AGBL1: variants seen among roughly 807,000 people sequenced by gnomAD.
AGBL1 encodes the protein cytosolic carboxypeptidase 4.
A neutral mutation model predicts 118.9 loss-of-function variants in AGBL1; 130 were observed. That is an observed-to-expected ratio of 1.09 (90% CI 0.95 to 1.26). The LOEUF (loss-of-function observed/expected upper bound fraction) is 1.26, where lower values mean the gene tolerates loss of function less well. Ranked by LOEUF, AGBL1 falls within the 50% of genes most tolerant of loss-of-function variation. The pLI is 0.00. For synonymous variants in AGBL1, 555 were observed against 478.9 expected (o/e 1.16, Z -2.08); for missense variants, 1,584 against 1,298.1 (o/e 1.22, Z -3.38).
chr15:86,357,123 T>A (rs767510976), intron 17 of AGBL1, among the ~76,000 whole-genome samples: 1 of 152,182 alleles, frequency 6.6e-6, no homozygotes, highest in Non-Finnish European at 1.5e-5. Context: ...AACATGATTG[T>A]TATCTTCACC....
intron 21 of AGBL1, among the ~76,000 whole-genome samples, chr15:86,672,455 C>G (rs2085763072): frequency 6.6e-6 from 1 of 152,086 alleles, no homozygotes; most frequent in Non-Finnish European, 1.5e-5. Context: ...CTACAGAGCA[C>G]CTGTTATGTG....
intron 21 of AGBL1, among the ~76,000 whole-genome samples, chr15:86,577,805 G>A (rs1210638552): frequency 1.3e-5 from 2 of 149,674 alleles, no homozygotes; most frequent in Non-Finnish European, 3.0e-5. Context: ...TCCACGTGGT[G>A]TTGAGCCTGT....
intron 18 of AGBL1, among the ~76,000 whole-genome samples, chr15:86,498,046 T>C: frequency 6.6e-6 from 1 of 151,960 alleles, no homozygotes; most frequent in East Asian, 1.9e-4. Context: ...TTCAATCTTC[T>C]ACATTTAAAC....
chr15:86,177,404 G>T lies in AGBL1; in HGVS notation c.488+18378G>T, dbSNP rs1485372349. ...GATAGAATAAGTAGAGAGAAAATCA[G>T]TAAGAATATAGATGATTTAAATAAC... On this transcript the variant is annotated intron_variant, in intron 5 of 22. Transcript: ENST00000614907. Among the ~76,000 whole-genome samples, 4 of 152,270 alleles carry T rather than the reference G, an allele frequency of 2.6e-5. No individual in the cohort carries two copies. The East Asian group carries it at 7.7e-4, about 29-fold the overall frequency.
intron 19 of AGBL1, among the ~76,000 whole-genome samples, chr15:86,536,085 G>A (rs1339736772): frequency 6.6e-6 from 1 of 152,030 alleles, no homozygotes; most frequent in Non-Finnish European, 1.5e-5. Flanking sequence ...CTTTTATTTG[G>A]AATTGTTCCC....
chr15:86,538,672 A>G (rs922101922), intron 19 of AGBL1, among the ~76,000 whole-genome samples: 1 of 152,120 alleles, frequency 6.6e-6, no homozygotes, highest in Non-Finnish European at 1.5e-5. Flanking sequence ...CCTTGCCTTC[A>G]TTTTCCTGTG....
At chr15:86,120,509 T>G (rs755425803) in intron 1 of AGBL1, among the ~76,000 whole-genome samples, 1 of 152,174 alleles carries the variant, frequency 6.6e-6, no homozygotes, top group Non-Finnish European at 1.5e-5. Context: ...TGTGCCCTCT[T>G]AGACCTGGCC....
chr15:86,962,206 T>C (rs1283859377), intron 23 of AGBL1, among the ~76,000 whole-genome samples: 1 of 150,806 alleles, frequency 6.6e-6, no homozygotes, highest in African/African-American at 2.4e-5. Context: ...GACACAAAAG[T>C]GTTAAATGTA....
At chr15:86,625,886 A>G (rs2084879422) in intron 21 of AGBL1, among the ~76,000 whole-genome samples, 1 of 152,168 alleles carries the variant, frequency 6.6e-6, no homozygotes, top group Non-Finnish European at 1.5e-5. Flanking sequence ...AAGACAAGCA[A>G]AGTACTGCAG....
At chr15:86,244,490 CCATTCT>C (rs2078689714) in intron 6 of AGBL1, among the ~76,000 whole-genome samples, 1 of 151,960 alleles carries the variant, frequency 6.6e-6, no homozygotes, top group Non-Finnish European at 1.5e-5. Flanking sequence ...ACTTCCCAAG[CCATTCT>C]CAGAGAAAGA....
At chr15:86,868,556 G>A (rs2079671602) in intron 22 of AGBL1, among the ~76,000 whole-genome samples, 2 of 152,242 alleles carry the variant, frequency 1.3e-5, no homozygotes, top group South Asian at 4.1e-4. Flanking sequence ...TTCGAATCTA[G>A]TGGTTTAAAA....
In AGBL1 at chr15:86,537,630, A is replaced by G. The variant is rs573246653; in HGVS notation, c.2686-8372A>G. ...ATACGCGAATTGAGAGTTTTGTTAT[A>G]TTGTTCTTCATCACTCGTCCATCAA... On this transcript the variant is annotated intron_variant, in intron 19 of 22. Transcript: ENST00000614907. Among the ~76,000 whole-genome samples, 45 of 152,298 alleles carry G rather than the reference A, an allele frequency of 3.0e-4. 1 individual carries two copies. In the South Asian group the frequency reaches 8.3e-3, roughly 28 times the overall value.
chr15:86,381,468 G>A (rs956139797), intron 17 of AGBL1, among the ~76,000 whole-genome samples: 3 of 151,954 alleles, frequency 2.0e-5, no homozygotes, highest in African/African-American at 7.3e-5. Flanking sequence ...TTGGCTCCAG[G>A]AAGACTGGAA....
intron 22 of AGBL1, among the ~76,000 whole-genome samples, chr15:86,724,510 C>T (rs908054669): frequency 1.3e-5 from 2 of 151,678 alleles, no homozygotes; most frequent in Admixed American, 6.6e-5. Flanking sequence ...ATCTTTTGGC[C>T]CAAAAATCAC....
chr15:86,764,258 A>C (rs560154043), intron 22 of AGBL1, among the ~76,000 whole-genome samples: 1 of 152,162 alleles, frequency 6.6e-6, no homozygotes, highest in African/African-American at 2.4e-5. Flanking sequence ...AAGATAATAC[A>C]TGTAGCAGTA....
At chr15:86,323,514 C>A (rs571573545) in intron 17 of AGBL1, among the ~76,000 whole-genome samples, 1 of 152,242 alleles carries the variant, frequency 6.6e-6, no homozygotes, top group African/African-American at 2.4e-5. Flanking sequence ...GGTCCATCCA[C>A]TATCAGGAGA....
Position 86,306,309 on chromosome 15 carries a change from C to T in AGBL1, c.2374+10901C>T, listed in dbSNP as rs1426275713. ...ACCATCTCCACCTCCCCCTGTGACC[C>T]TCTACTACCTTCCAAGCCTCTGGTA... is the stretch of plus-strand genomic sequence containing the variant. On this transcript the variant is annotated intron_variant, in intron 17 of 22. Transcript: ENST00000614907. Among the ~76,000 whole-genome samples, 2 of 152,078 alleles carry T rather than the reference C, an allele frequency of 1.3e-5. 1 individual carries two copies. Among genetic ancestry groups the T allele is most frequent in the Non-Finnish European group, 2.9e-5 (2 of 67,990 alleles).
intron 5 of AGBL1, among the ~76,000 whole-genome samples, chr15:86,167,544 C>T (rs945508034): frequency 3.9e-5 from 6 of 152,364 alleles, no homozygotes; most frequent in African/African-American, 7.2e-5. Flanking sequence ...CCATGCCTGG[C>T]CCGGGAACTG....
chr15:86,893,160 C>A (rs910496239), intron 22 of AGBL1, among the ~76,000 whole-genome samples: 5 of 152,048 alleles, frequency 3.3e-5, no homozygotes, highest in Admixed American at 3.3e-4. Context: ...AGGAGACATT[C>A]GGTGGAGCTC....
Sources: gnomAD v4.1 joint callset for allele counts (sites outside exome capture counted in the v4.1 genomes callset) on GRCh38, gnomAD v4.1.1 for gene constraint, MANE v1.5 for transcripts, NCBI Gene and HGNC (gene_info 2026-07-23, HGNC 2026-07-21) for gene names.